The following GRK5 variants were observed in gnomAD, a reference collection of about 807,000 sequenced individuals.
The protein encoded by GRK5 is G protein-coupled receptor kinase 5.
A neutral mutation model predicts 78.4 loss-of-function variants in GRK5; 40 were observed. The ratio of observed to expected loss-of-function variants is 0.51; its 90% CI spans 0.40 to 0.66. The LOEUF is 0.66. Among genes scored for constraint, GRK5 ranks in the 30% least tolerant of loss-of-function variants. GRK5 has a pLI of 0.00. For missense variants in GRK5, 598 were observed against 759.9 expected (o/e 0.79, Z 2.50); for synonymous variants, 289 against 296.8 (o/e 0.97, Z 0.27).
Position 119,448,260 on chromosome 10 carries a change from C to T in GRK5, c.1404C>T (p.Asp468=), listed in dbSNP as rs144561152. 236 of 1,589,832 alleles carry T rather than the reference C, an allele frequency of 1.5e-4. 1 individual carries two copies. In the East Asian group the frequency reaches 3.9e-3, roughly 26 times the overall value. ...TGTTGGACCCTCCCTTCGTTCCAGA[C>T]GTGAGTAGCCTCCCCCAGCCCCCAG... ...AGMLDPPFVP[D]PRAVYCKDVL... The change falls in exon 13 of 16, where the codon GAC becomes GAT. Residue 468 remains aspartate, a splice_region_variant and synonymous_variant. Transcript: ENST00000392870.
At chr10:119,224,689 C>G (rs1848707612) in intron 1 of GRK5, among the ~76,000 whole-genome samples, 1 of 152,206 alleles carries the variant, frequency 6.6e-6, no homozygotes, top group South Asian at 2.1e-4. Context: ...GCTAGGATTA[C>G]AGGCGTGAGC....
intron 1 of GRK5, among the ~76,000 whole-genome samples, chr10:119,233,009 G>T (rs1415344314): frequency 5.3e-5 from 8 of 152,190 alleles, no homozygotes; most frequent in Admixed American, 5.2e-4. Flanking sequence ...ATGCTGCAGG[G>T]CAGTCAGGAG....
chr10:119,360,104 C>T (rs1186206936), intron 2 of GRK5, among the ~76,000 whole-genome samples: 7 of 128,832 alleles, frequency 5.4e-5, no homozygotes, highest in South Asian at 2.5e-4. Flanking sequence ...CTGAGGAGGC[C>T]GAGGGAATCT....
intron 1 of GRK5, among the ~76,000 whole-genome samples, chr10:119,306,737 T>C (rs1850276827): frequency 6.6e-6 from 1 of 152,140 alleles, no homozygotes; most frequent in South Asian, 2.1e-4. Context: ...CCGGGGCCGC[T>C]GCACCTGCAG....
intron 13 of GRK5, among the ~76,000 whole-genome samples, chr10:119,450,788 C>T (rs1853266818): frequency 6.6e-6 from 1 of 152,122 alleles, no homozygotes; most frequent in South Asian, 2.1e-4. Flanking sequence ...CCCACCGGTG[C>T]CCTCCTGCCT....
rs749482784 is a variant in GRK5 at position 119,271,875 on chromosome 10, G to A, written c.53-54641G>A. On this transcript the variant is annotated intron_variant, in intron 1 of 15. Transcript: ENST00000392870. The surrounding 1 kb of genome is among the most constrained non-coding windows in gnomAD (Gnocchi z 4.1). Reference sequence around the variant, plus strand: ...TGTGAAGACAGCACTAACCTCGTAGGTACTCGGGAGGCTGAAGGAGTTCAT... The same window carrying A: ...TGTGAAGACAGCACTAACCTCGTAGATACTCGGGAGGCTGAAGGAGTTCAT... 1.3e-5 allele frequency among the ~76,000 whole-genome samples: 2 copies of A among 152,202 alleles called. No individual in the cohort carries two copies. Among genetic ancestry groups the A allele is most frequent in the Non-Finnish European group, 2.9e-5 (2 of 68,048 alleles).
intron 1 of GRK5, among the ~76,000 whole-genome samples, chr10:119,275,437 C>T (rs1010815393): frequency 1.8e-4 from 27 of 152,306 alleles, no homozygotes; most frequent in African/African-American, 6.3e-4. Context: ...CCTCTCACTT[C>T]TGTGTTTCCT....
At chr10:119,408,367 A>C in intron 4 of GRK5, among the ~76,000 whole-genome samples, 1 of 145,102 alleles carries the variant, frequency 6.9e-6, no homozygotes, top group Admixed American at 6.8e-5. Context: ...AAAAAAAGGC[A>C]GAAAACACAG....
At chr10:119,230,612 A>T (rs1286471063) in intron 1 of GRK5, among the ~76,000 whole-genome samples, 1 of 151,978 alleles carries the variant, frequency 6.6e-6, no homozygotes, top group Non-Finnish European at 1.5e-5. Flanking sequence ...CTCCCACAAC[A>T]TGTGGGAATT....
intron 1 of GRK5, among the ~76,000 whole-genome samples, chr10:119,312,914 G>A (rs540921080): frequency 5.7e-4 from 86 of 152,200 alleles, no homozygotes; most frequent in African/African-American, 1.9e-3. Context: ...CACAGAGCCT[G>A]ATAGTAGTGG....
chr10:119,325,172 A>G (rs1850651876), intron 1 of GRK5, among the ~76,000 whole-genome samples: 1 of 152,190 alleles, frequency 6.6e-6, no homozygotes, highest in African/African-American at 2.4e-5. Context: ...ACAGTTAAGA[A>G]TCCCCAGTTC....
At chr10:119,443,878 T>G in intron 12 of GRK5, 126 bp downstream of exon 12, 11 of 789,136 alleles carry the variant, frequency 1.4e-5, no homozygotes, top group South Asian at 1.8e-5. Flanking sequence ...GGGTGGGGGT[T>G]GCAGCCCACC....
At chr10:119,408,363 A>AAAAAAAAAAT (rs1554918541) in intron 4 of GRK5, among the ~76,000 whole-genome samples, 3 of 141,824 alleles carry the variant, frequency 2.1e-5, no homozygotes, top group Non-Finnish European at 1.5e-5. Context: ...AAAAAAAAAA[A>AAAAAAAAAAT]GGCAGAAAAC....
chr10:119,395,146 A>T (rs534454365), intron 3 of GRK5, among the ~76,000 whole-genome samples: 4 of 152,196 alleles, frequency 2.6e-5, no homozygotes, highest in Non-Finnish European at 5.9e-5. Context: ...CTCTGTGTCC[A>T]GCCCTATAAA....
chr10:119,256,805 G>A (rs1195668752), intron 1 of GRK5, among the ~76,000 whole-genome samples: 1 of 152,142 alleles, frequency 6.6e-6, no homozygotes, highest in Non-Finnish European at 1.5e-5. Context: ...ACAATGTTGT[G>A]CAACCATCAC....
At chr10:119,417,561 A>C (rs1004928019) in intron 4 of GRK5, among the ~76,000 whole-genome samples, 1 of 121,638 alleles carries the variant, frequency 8.2e-6, no homozygotes, top group Non-Finnish European at 1.8e-5. Flanking sequence ...CCACCCCAAC[A>C]GTCTCATCAT....
intron 2 of GRK5, among the ~76,000 whole-genome samples, chr10:119,358,623 T>C (rs1851305989): frequency 6.6e-6 from 1 of 152,118 alleles, no homozygotes; most frequent in Admixed American, 6.5e-5. Flanking sequence ...GCAGCCCCAT[T>C]TTAGAGACCA....
intron 2 of GRK5, among the ~76,000 whole-genome samples, chr10:119,330,727 C>T (rs1850761882): frequency 6.6e-6 from 1 of 152,134 alleles, no homozygotes; most frequent in African/African-American, 2.4e-5. Flanking sequence ...CAAATTAAGA[C>T]TCTTAGATCT....
intron 10 of GRK5, among the ~76,000 whole-genome samples, chr10:119,441,523 G>A (rs775558399): frequency 1.8e-4 from 27 of 152,360 alleles, no homozygotes; most frequent in Non-Finnish European, 3.2e-4. Flanking sequence ...TTCCCTTCTC[G>A]TTTCTCTAAA....
Sources: allele counts gnomAD v4.1 joint callset (sites outside exome capture counted in the v4.1 genomes callset), GRCh38; gene constraint gnomAD v4.1.1; non-coding constraint Gnocchi (gnomAD v3.1); transcripts MANE v1.5; gene names NCBI Gene and HGNC (gene_info 2026-07-23, HGNC 2026-07-21).